Variants in PTPRD observed in about 807,000 individuals in gnomAD.
PTPRD encodes the protein receptor-type tyrosine-protein phosphatase delta.
A neutral mutation model predicts 214.5 loss-of-function variants in PTPRD; 34 were observed. The observed-to-expected ratio is 0.16, with a 90% CI of 0.12 to 0.21. The LOEUF (loss-of-function observed/expected upper bound fraction) is 0.21. Ranked by LOEUF, PTPRD falls within the 10% of genes least tolerant of loss-of-function variation. PTPRD has a pLI of 1.00. For missense variants in PTPRD, 2,545 were observed against 2,398.7 expected (o/e 1.06, Z -1.27); for synonymous variants, 1,128 against 845.7 (o/e 1.33, Z -5.79).
chr9:8,665,397 G>C (rs1334302754), intron 12 of PTPRD, among the ~76,000 whole-genome samples: 1 of 152,148 alleles, frequency 6.6e-6, no homozygotes, highest in African/African-American at 2.4e-5. Context: ...TGCTTTTAAT[G>C]TAATTACTTC....
At chr9:8,330,981 A>ATGTC (rs1356276594) in intron 44 of PTPRD, among the ~76,000 whole-genome samples, 1 of 150,832 alleles carries the variant, frequency 6.6e-6, no homozygotes, top group Non-Finnish European at 1.5e-5. Context: ...TTTATGGTGA[A>ATGTC]TGTCTGAACT....
chr9:10,411,096 C>T (rs1056758815), intron 2 of PTPRD, among the ~76,000 whole-genome samples: 2 of 151,768 alleles, frequency 1.3e-5, no homozygotes, highest in African/African-American at 4.8e-5. Flanking sequence ...TTTACTTTTA[C>T]TATTTACATT....
intron 8 of PTPRD, among the ~76,000 whole-genome samples, chr9:9,436,464 T>G (rs552618350): frequency 6.6e-6 from 1 of 152,304 alleles, no homozygotes; most frequent in East Asian, 1.9e-4. Flanking sequence ...ACCTACATAC[T>G]GGCAAGAATT....
At chr9:9,332,860 T>G (rs2042862063) in intron 9 of PTPRD, among the ~76,000 whole-genome samples, 2 of 152,044 alleles carry the variant, frequency 1.3e-5, no homozygotes, top group Non-Finnish European at 2.9e-5. Context: ...TTTCATCAAG[T>G]GGATACATGT....
intron 2 of PTPRD, among the ~76,000 whole-genome samples, chr9:10,565,478 T>C (rs947188365): frequency 6.6e-6 from 1 of 152,104 alleles, no homozygotes; most frequent in South Asian, 2.1e-4. Context: ...CAGTTTATGA[T>C]CTGGTAAAGG....
chr9:8,575,681 G>A (rs773173489), intron 14 of PTPRD, among the ~76,000 whole-genome samples: 1 of 152,064 alleles, frequency 6.6e-6, no homozygotes, highest in Non-Finnish European at 1.5e-5. Context: ...AAACAAGAAG[G>A]CTCACTTTTT....
chr9:8,769,532 G>A (rs1328855157), intron 11 of PTPRD, among the ~76,000 whole-genome samples: 2 of 152,142 alleles, frequency 1.3e-5, no homozygotes, highest in South Asian at 2.1e-4. Flanking sequence ...CTTCTTGCAA[G>A]TAGTGGAAAA....
chr9:9,342,525 G>C (rs2047195625), intron 9 of PTPRD, among the ~76,000 whole-genome samples: 1 of 152,096 alleles, frequency 6.6e-6, no homozygotes, highest in Non-Finnish European at 1.5e-5. Context: ...GAAGAAACAT[G>C]ATTGGCTACA....
Position 9,095,942 on chromosome 9 carries a change from A to G in PTPRD, c.-142-77207T>C, listed in dbSNP as rs186277373. Among the ~76,000 whole-genome samples, 391 of 152,334 alleles carry G rather than the reference A, an allele frequency of 2.6e-3. 2 individuals carry two copies. The highest frequency in any genetic ancestry group is 9.0e-3 in the African/African-American group (373 of 41,584). On this transcript the variant is annotated intron_variant, in intron 10 of 45. Transcript: ENST00000381196. ...TCCCACAAAAGAACGAGATCTTGCC[A>G]TTTGCCATAACAAAGATAACCTTGG...
At chr9:10,209,329 T>G (rs2099503441) in intron 3 of PTPRD, among the ~76,000 whole-genome samples, 1 of 152,080 alleles carries the variant, frequency 6.6e-6, no homozygotes, top group African/African-American at 2.4e-5. Context: ...AAATGAAAAA[T>G]AAAATTTAAA....
intron 11 of PTPRD, among the ~76,000 whole-genome samples, chr9:8,971,360 C>A (rs1181162260): frequency 6.6e-6 from 1 of 151,668 alleles, no homozygotes; most frequent in Non-Finnish European, 1.5e-5. Flanking sequence ...AACCTTCCTG[C>A]CTGTTCAAAG....
At chr9:9,423,915 G>A (rs11794321) in intron 8 of PTPRD, among the ~76,000 whole-genome samples, 9,400 of 152,300 alleles carry the variant, frequency 0.062, 346 homozygotes, top group Middle Eastern at 0.17. Context: ...CATACTTTTA[G>A]CTGGAATCCT....
At chr9:9,151,925 GACCT>G (rs2099877134) in intron 10 of PTPRD, among the ~76,000 whole-genome samples, 1 of 152,188 alleles carries the variant, frequency 6.6e-6, no homozygotes, top group African/African-American at 2.4e-5. Context: ...ATTGTTTTCT[GACCT>G]ACCTGTGAGA....
At chr9:8,323,686 A>G (rs150156004) in intron 44 of PTPRD, among the ~76,000 whole-genome samples, 1 of 152,292 alleles carries the variant, frequency 6.6e-6, no homozygotes, top group African/African-American at 2.4e-5. Context: ...ACCTGAATAC[A>G]TGAGGAGTTG....
chr9:9,146,411 T>C (rs750574025), intron 10 of PTPRD, among the ~76,000 whole-genome samples: 1 of 152,126 alleles, frequency 6.6e-6, no homozygotes, highest in Non-Finnish European at 1.5e-5. Flanking sequence ...ACTTCTTCAA[T>C]TAGGGTCTCT....
intron 8 of PTPRD, among the ~76,000 whole-genome samples, chr9:9,416,027 G>A: frequency 6.6e-6 from 1 of 152,274 alleles, no homozygotes; most frequent in Non-Finnish European, 1.5e-5. Context: ...ACAAACAACT[G>A]GGTGCATTCT....
chr9:8,691,808 C>T (rs957617078), intron 12 of PTPRD, among the ~76,000 whole-genome samples: 3 of 152,138 alleles, frequency 2.0e-5, no homozygotes, highest in African/African-American at 4.8e-5. Context: ...ATACCAAAAG[C>T]AACTTTATGC....
In PTPRD at chr9:8,651,050, C is replaced by T. The variant is rs558693608; in HGVS notation, c.65-14206G>A. 1.1e-4 allele frequency among the ~76,000 whole-genome samples: 16 copies of T among 152,220 alleles called. No individual in the cohort carries two copies. The East Asian group carries it at 3.1e-3, about 29-fold the overall frequency. Reference sequence around the variant, plus strand: ...TTTCTGGTATACTTCCAATTGAGCACATGTAGCAAGAAACCAAACGGTATT... The same window carrying T: ...TTTCTGGTATACTTCCAATTGAGCATATGTAGCAAGAAACCAAACGGTATT... On this transcript the variant is annotated intron_variant, in intron 12 of 45. Coordinates refer to ENST00000381196, the MANE Select transcript of PTPRD (RefSeq NM_002839.4).
At chr9:9,344,149 A>G in intron 9 of PTPRD, among the ~76,000 whole-genome samples, 1 of 152,194 alleles carries the variant, frequency 6.6e-6, no homozygotes, top group East Asian at 1.9e-4. Context: ...AAGAAAGTTA[A>G]CTCATCTTTT....
Sources: gnomAD v4.1 joint callset for allele counts (sites outside exome capture counted in the v4.1 genomes callset) on GRCh38, gnomAD v4.1.1 for gene constraint, MANE v1.5 for transcripts, NCBI Gene and HGNC (gene_info 2026-07-23, HGNC 2026-07-21) for gene names.